Variants in GRIK4 observed in about 807,000 individuals in gnomAD.
The protein encoded by GRIK4 is glutamate ionotropic receptor kainate type subunit 4, also known as glutamate receptor ionotropic, kainate 4.
A neutral mutation model predicts 104.9 loss-of-function variants in GRIK4; 40 were observed. That is an observed-to-expected ratio of 0.38 (90% CI 0.30 to 0.50). The LOEUF (loss-of-function observed/expected upper bound fraction) is 0.50. GRIK4 is among the 20% of genes least tolerant of loss of function. The probability of loss-of-function intolerance (pLI) is 0.93; values close to 1 mark genes in which losing one functional copy is unlikely to be tolerated. For synonymous variants in GRIK4, 485 were observed against 524.9 expected (o/e 0.92, Z 1.04); for missense variants, 1,047 against 1,308.1 (o/e 0.80, Z 3.08).
At position 120,549,393 on chromosome 11, in the gene GRIK4, ACCGCGC is replaced by A. The variant is rs1948117801; in HGVS notation, c.-159+37510_-159+37515del. Among the ~76,000 whole-genome samples, 3 of 152,144 alleles carry A rather than the reference ACCGCGC, an allele frequency of 2.0e-5. No individual in the cohort carries two copies. On this transcript the variant is annotated intron_variant, in intron 1 of 20. Coordinates refer to ENST00000527524, the MANE Select transcript of GRIK4 (RefSeq NM_014619.5). This position sits in a 1 kb window ranked among gnomAD's most constrained non-coding sequence, Gnocchi z 4.7. ...AGTGCTGGAATTATAGGCGTGAGCC[ACCGCGC>A]CCGGCCTTGGCTGTTCTTTAATAGA... is the stretch of plus-strand genomic sequence containing the variant.
chr11:120,864,207 T>A (rs1592003257), intron 9 of GRIK4, among the ~76,000 whole-genome samples: 2 of 10,688 alleles, frequency 1.9e-4, no homozygotes, highest in African/African-American at 2.9e-4. Context: ...ATTTTTATTT[T>A]TATTTATTTA....
chr11:120,611,771 C>A (rs186954061), intron 1 of GRIK4, among the ~76,000 whole-genome samples: 153 of 152,254 alleles, frequency 1.0e-3, no homozygotes, highest in African/African-American at 3.6e-3. Context: ...GACTGTGCCT[C>A]CTCCCTTCCC....
intron 14 of GRIK4, among the ~76,000 whole-genome samples, chr11:120,948,481 G>C (rs924635569): frequency 6.6e-6 from 1 of 152,174 alleles, no homozygotes; most frequent in African/African-American, 2.4e-5. Flanking sequence ...GCTGAGGTGG[G>C]ATTGAGTTCT....
intron 7 of GRIK4, among the ~76,000 whole-genome samples, chr11:120,834,299 T>G (rs1238872490): frequency 6.7e-6 from 1 of 149,418 alleles, no homozygotes; most frequent in African/African-American, 2.5e-5. Flanking sequence ...TGTGTGTGTG[T>G]GGCCATGCTT....
chr11:120,986,014 C>A lies in GRIK4; in HGVS notation c.2625C>A (p.Ile875=). The change falls in exon 21 of 21, where the codon ATC becomes ATA. Residue 875 remains isoleucine, a synonymous_variant. Coordinates refer to ENST00000527524, the MANE Select transcript of GRIK4 (RefSeq NM_014619.5). ...CAGTCCCGCCGCCCCGGCCCCCCATCCCCGAGGAGCGCCGACCGCGGGGCA... is the reference window on the plus strand; with the variant it reads ...CAGTCCCGCCGCCCCGGCCCCCCATACCCGAGGAGCGCCGACCGCGGGGCA... The part of the protein sequence containing the change: ...RAAVPPPRPP[I]PEERRPRGTA... The A allele has an allele frequency of 6.5e-7, 1 of 1,527,784 alleles. No homozygotes were observed. Among genetic ancestry groups the A allele is most frequent in the Non-Finnish European group, 8.8e-7 (1 of 1,138,488 alleles). The allele number at this position is 1,527,784 out of a possible 1,614,324, so 94.6% of individuals were successfully genotyped here. A position where few individuals can be genotyped will look rare whatever the true frequency, so the allele number is the denominator to read the frequency against.
At chr11:120,755,373 A>T (rs1156887302) in intron 3 of GRIK4, among the ~76,000 whole-genome samples, 1 of 152,176 alleles carries the variant, frequency 6.6e-6, no homozygotes, top group Non-Finnish European at 1.5e-5. Context: ...TTGGAGGCCG[A>T]TGTGGGAGGA....
At chr11:120,866,410 T>G (rs141463175) in intron 9 of GRIK4, among the ~76,000 whole-genome samples, 11 of 152,296 alleles carry the variant, frequency 7.2e-5, no homozygotes, top group African/African-American at 2.6e-4. Context: ...AGCATCCCAA[T>G]GGAGCAGGGG....
At chr11:120,835,459 C>T (rs1176521297) in intron 7 of GRIK4, among the ~76,000 whole-genome samples, 2 of 152,106 alleles carry the variant, frequency 1.3e-5, no homozygotes, top group African/African-American at 2.4e-5. Flanking sequence ...ACCCAGGAGG[C>T]GGAGGTTGCA....
intron 19 of GRIK4, among the ~76,000 whole-genome samples, chr11:120,977,907 C>T (rs1944587716): frequency 6.6e-6 from 1 of 152,202 alleles, no homozygotes; most frequent in Non-Finnish European, 1.5e-5. Flanking sequence ...ATTCAGTCCC[C>T]TTTAGCCATC....
chr11:120,563,186 T>C (rs1315552443), intron 1 of GRIK4, among the ~76,000 whole-genome samples: 1 of 152,214 alleles, frequency 6.6e-6, no homozygotes, highest in Non-Finnish European at 1.5e-5. Flanking sequence ...CAGTGTCTAG[T>C]ATCAGCCTCT....
chr11:120,707,650 G>T (rs138648538), intron 3 of GRIK4, among the ~76,000 whole-genome samples: 48 of 152,296 alleles, frequency 3.2e-4, no homozygotes, highest in African/African-American at 1.1e-3. Flanking sequence ...TTTGGGCAAG[G>T]CTCAGTAGGG....
intron 3 of GRIK4, among the ~76,000 whole-genome samples, chr11:120,664,587 A>G (rs758695317): frequency 1.3e-5 from 2 of 152,170 alleles, no homozygotes; most frequent in Non-Finnish European, 2.9e-5. Context: ...TGAAATTTGA[A>G]CCTGTCTCCA....
At chr11:120,854,297 T>C (rs1031317336) in intron 8 of GRIK4, among the ~76,000 whole-genome samples, 3 of 152,216 alleles carry the variant, frequency 2.0e-5, no homozygotes, top group African/African-American at 7.2e-5. Context: ...AATGAGGGAC[T>C]GCTTGAAACC....
chr11:120,714,690 A>C (rs1022161543), intron 3 of GRIK4, among the ~76,000 whole-genome samples: 20 of 152,236 alleles, frequency 1.3e-4, no homozygotes, highest in Admixed American at 6.5e-5. Context: ...CTGGAGTTTA[A>C]ATAAAAGGTA....
chr11:120,548,776 T>G (rs936568386), intron 1 of GRIK4, among the ~76,000 whole-genome samples: 1 of 152,064 alleles, frequency 6.6e-6, no homozygotes, highest in African/African-American at 2.4e-5. Flanking sequence ...ACCCCTTCAT[T>G]TTACACACAA....
intron 3 of GRIK4, among the ~76,000 whole-genome samples, chr11:120,673,320 T>C (rs1021021309): frequency 2.0e-5 from 3 of 152,172 alleles, no homozygotes; most frequent in African/African-American, 7.2e-5. Flanking sequence ...AAAGGAGCTT[T>C]ACATTTGAAA....
In GRIK4 at chr11:120,903,141, C is replaced by T. The variant is rs112917300; in HGVS notation, c.1273-2149C>T. Among the ~76,000 whole-genome samples the T allele has an allele frequency of 1.3e-5, 2 of 152,094 alleles. No homozygotes were observed. The highest frequency in any genetic ancestry group is 2.4e-5 in the African/African-American group (1 of 41,416). On this transcript the variant is annotated intron_variant, in intron 12 of 20. Coordinates refer to ENST00000527524, the MANE Select transcript of GRIK4 (RefSeq NM_014619.5). The surrounding 1 kb of genome is among the most constrained non-coding windows in gnomAD (Gnocchi z 4.4). ...GCTTTCCTCTCTGGGCTCCTAGAAT[C>T]GTGATGTGCAGGTTTCTCCATGCAC...
At chr11:120,817,039 C>G (rs575325772) in intron 5 of GRIK4, among the ~76,000 whole-genome samples, 1 of 152,310 alleles carries the variant, frequency 6.6e-6, no homozygotes, top group South Asian at 2.1e-4. Flanking sequence ...AAATCTATGG[C>G]AGGTCATTAT....
At chr11:120,552,975 G>C (rs1233057090) in intron 1 of GRIK4, among the ~76,000 whole-genome samples, 1 of 151,188 alleles carries the variant, frequency 6.6e-6, no homozygotes, top group Non-Finnish European at 1.5e-5. Flanking sequence ...ATTACAGCGT[G>C]GGGGACAGAG....
Sources: allele counts gnomAD v4.1 joint callset (sites outside exome capture counted in the v4.1 genomes callset), GRCh38; gene constraint gnomAD v4.1.1; non-coding constraint Gnocchi (gnomAD v3.1); transcripts MANE v1.5; gene names NCBI Gene and HGNC (gene_info 2026-07-23, HGNC 2026-07-21).